Variants in THRAP3 observed in about 807,000 individuals in gnomAD.
THRAP3 encodes the protein thyroid hormone receptor associated protein 3, also known as thyroid hormone receptor-associated protein 3.
In THRAP3, 16 loss-of-function variants were observed where a neutral mutation model predicts 101.0. The observed-to-expected ratio is 0.16, with a 90% confidence interval of 0.11 to 0.24. THRAP3 has a LOEUF of 0.24. THRAP3 is among the 10% of genes least tolerant of loss of function. THRAP3 has a pLI of 1.00. For synonymous variants in THRAP3, 407 were observed against 422.6 expected (o/e 0.96, Z 0.45); for missense variants, 989 against 1,202.7 (o/e 0.82, Z 2.63).
At chr1:36,301,808 T>C in intron 11 of THRAP3, 112 bp downstream of exon 11, 1 of 1,300,986 alleles carries the variant, frequency 7.7e-7, no homozygotes. Flanking sequence ...ACGTGCAGGA[T>C]TATTGCACTG....
At chr1:36,229,705 T>C (rs1645004435) in intron 1 of THRAP3, among the ~76,000 whole-genome samples, 1 of 152,062 alleles carries the variant, frequency 6.6e-6, no homozygotes, top group African/African-American at 2.4e-5. Flanking sequence ...CAGGCTGGAG[T>C]GCAGTGGCGC....
intron 1 of THRAP3, among the ~76,000 whole-genome samples, chr1:36,238,451 TA>T (rs1190618607): frequency 1.3e-5 from 2 of 152,200 alleles, no homozygotes; most frequent in Non-Finnish European, 2.9e-5. Flanking sequence ...CTATCCAGAT[TA>T]TTTTTTTAGG....
rs1392262330 is a variant in THRAP3 at position 36,251,473 on chromosome 1, T to A, written c.-134-7909T>A. ...CTCTCTGTGTTGTACATTGAGACCT[T>A]GAGGCACAGAATGATAGGGTTATTT... On this transcript the variant is annotated intron_variant, in intron 1 of 11. Coordinates refer to ENST00000354618, the MANE Select transcript of THRAP3 (RefSeq NM_005119.4). Among the ~76,000 whole-genome samples the A allele has an allele frequency of 4.6e-5, 7 of 152,208 alleles. No individual in the cohort carries two copies. In the East Asian group the frequency reaches 1.3e-3, roughly 29 times the overall value.
At chr1:36,287,633 G>C (rs1364184546) in intron 4 of THRAP3, 3 of 985,248 alleles carry the variant, frequency 3.0e-6, no homozygotes, top group African/African-American at 1.7e-5. Context: ...GGAGCTCTTA[G>C]ACCCTCTAGC....
chr1:36,225,528 T>C (rs1037241681), intron 1 of THRAP3: 1 of 152,226 alleles, frequency 6.6e-6, no homozygotes, highest in Non-Finnish European at 1.5e-5. Flanking sequence ...TAAAAATCAC[T>C]TAGCCACTGT....
chr1:36,248,632 G>A (rs1645260498), intron 1 of THRAP3, among the ~76,000 whole-genome samples: 1 of 151,860 alleles, frequency 6.6e-6, no homozygotes, highest in Non-Finnish European at 1.5e-5. Flanking sequence ...GGCCCAGGCT[G>A]GTCTTGAACT....
intron 2 of THRAP3, among the ~76,000 whole-genome samples, chr1:36,261,797 G>A (rs1645449393): frequency 6.6e-6 from 1 of 152,152 alleles, no homozygotes; most frequent in African/African-American, 2.4e-5. Context: ...GATCCAAAAT[G>A]GTAGTAGATC....
chr1:36,274,948 C>G (rs868506218), intron 2 of THRAP3, among the ~76,000 whole-genome samples: 1 of 148,664 alleles, frequency 6.7e-6, no homozygotes, highest in Non-Finnish European at 1.5e-5. Flanking sequence ...TGATTTTTGA[C>G]AAGGGTGCCA....
chr1:36,245,324 A>C (rs981788195), intron 1 of THRAP3, among the ~76,000 whole-genome samples: 4 of 150,718 alleles, frequency 2.7e-5, no homozygotes, highest in Admixed American at 2.0e-4. Context: ...GCGCCATCAC[A>C]CCCGGCTAAT....
chr1:36,249,970 G>A (rs1316614944), intron 1 of THRAP3, among the ~76,000 whole-genome samples: 2 of 152,044 alleles, frequency 1.3e-5, no homozygotes, highest in East Asian at 3.9e-4. Flanking sequence ...TTTGTGACAG[G>A]TTATTCTGGC....
rs150801505 is a variant in THRAP3 at position 36,247,699 on chromosome 1, C to T, written c.-134-11683C>T. ...TACATTGTGGAATGGTTAAATCTAG[C>T]TAATCAACATATGTATTGCCTCATT... On this transcript the variant is annotated intron_variant, in intron 1 of 11. Transcript: ENST00000354618. Among the ~76,000 whole-genome samples the T allele has an allele frequency of 3.5e-3, 537 of 152,180 alleles. 3 individuals carry two copies. Among genetic ancestry groups the T allele is most frequent in the African/African-American group, 0.012 (507 of 41,518 alleles).
chr1:36,278,061 CCTT>C (rs928437227), intron 2 of THRAP3, among the ~76,000 whole-genome samples: 6 of 132,818 alleles, frequency 4.5e-5, no homozygotes, highest in Non-Finnish European at 9.6e-5. Context: ...GCCCAGCCCC[CCTT>C]TTTTTTTTTT....
At chr1:36,277,461 A>G (rs755051793) in intron 2 of THRAP3, among the ~76,000 whole-genome samples, 4 of 151,846 alleles carry the variant, frequency 2.6e-5, no homozygotes, top group African/African-American at 9.7e-5. Flanking sequence ...CAGTCTCCCA[A>G]CGTGCTGGGA....
chr1:36,286,261 C>A lies in THRAP3; in HGVS notation c.138-107C>A. The A allele has an allele frequency of 8.4e-7, 1 of 1,193,044 alleles. No individual in the cohort carries two copies. Among genetic ancestry groups the A allele is most frequent in the Non-Finnish European group, 1.2e-6 (1 of 849,384 alleles). 73.9% of individuals were successfully genotyped at this position (1,193,044 alleles called of 1,614,324 possible). A position where few individuals can be genotyped will look rare whatever the true frequency, so the allele number is the denominator to read the frequency against. On this transcript the variant is annotated intron_variant, in intron 3 of 11. Coordinates refer to ENST00000354618, the MANE Select transcript of THRAP3 (RefSeq NM_005119.4). This position sits in a 1 kb window ranked among gnomAD's most constrained non-coding sequence, Gnocchi z 5.5. ...TTGTGCCCTTGCTTTGAAAACAAAA[C>A]TGAAAGTGAATGACACATAAGGGCA...
At chr1:36,232,304 A>G (rs1449146423) in intron 1 of THRAP3, among the ~76,000 whole-genome samples, 1 of 152,112 alleles carries the variant, frequency 6.6e-6, no homozygotes, top group African/African-American at 2.4e-5. Flanking sequence ...GTATACTCAT[A>G]AGTTCTTATT....
intron 1 of THRAP3, among the ~76,000 whole-genome samples, chr1:36,258,381 T>C (rs1645402630): frequency 6.6e-6 from 1 of 152,190 alleles, no homozygotes; most frequent in African/African-American, 2.4e-5. Flanking sequence ...GCTATATTTG[T>C]ACTTACATTA....
the THRAP3 span, among the ~76,000 whole-genome samples, chr1:36,208,511 C>T: frequency 7.2e-5 from 11 of 152,084 alleles, no homozygotes; most frequent in East Asian, 5.8e-4. Flanking sequence ...CCCCTCTGCC[C>T]CCCGGTGTAA....
intron 9 of THRAP3, among the ~76,000 whole-genome samples, chr1:36,298,643 G>T (rs1257071914): frequency 6.6e-6 from 1 of 152,044 alleles, no homozygotes; most frequent in African/African-American, 2.4e-5. Flanking sequence ...AGGAGTACAG[G>T]TATGCACCAT....
At chr1:36,209,466 C>T in the THRAP3 span, among the ~76,000 whole-genome samples, 11 of 152,186 alleles carry the variant, frequency 7.2e-5, no homozygotes, top group Admixed American at 2.0e-4. Flanking sequence ...GTCAGCAGTA[C>T]TCCCCCATGC....
Sources: gnomAD v4.1 joint callset for allele counts (sites outside exome capture counted in the v4.1 genomes callset) on GRCh38, gnomAD v4.1.1 for gene constraint, Gnocchi (gnomAD v3.1) non-coding constraint, MANE v1.5 for transcripts, NCBI Gene and HGNC (gene_info 2026-07-23, HGNC 2026-07-21) for gene names.